The following NEDD4L variants were observed in gnomAD, a reference collection of about 807,000 sequenced individuals.
NEDD4L encodes the protein NEDD4 like E3 ubiquitin protein ligase, also known as E3 ubiquitin-protein ligase NEDD4-like.
Under a neutral mutation model 148.9 loss-of-function variants are expected in NEDD4L, and 54 were observed. The observed-to-expected ratio is 0.36, with a 90% CI of 0.29 to 0.45. The LOEUF is 0.45. NEDD4L is among the 20% of genes least tolerant of loss of function. The pLI, the probability that NEDD4L is intolerant of heterozygous loss-of-function variation, is 1.00. For missense variants in NEDD4L, 856 were observed against 1,233.8 expected (o/e 0.69, Z 4.59); for synonymous variants, 433 against 440.7 (o/e 0.98, Z 0.22).
intron 2 of NEDD4L, among the ~76,000 whole-genome samples, chr18:58,197,191 G>T (rs2040813895): frequency 6.6e-6 from 1 of 152,190 alleles, no homozygotes; most frequent in South Asian, 2.1e-4. Context: ...CCATGATAGA[G>T]CCTGGGCCGT....
intron 2 of NEDD4L, among the ~76,000 whole-genome samples, chr18:58,182,509 CTT>C (rs568506761): frequency 0.023 from 2,601 of 111,342 alleles, 40 homozygotes; most frequent in African/African-American, 0.093. Context: ...GCATTGATAC[CTT>C]TTTTTTTTTT....
intron 1 of NEDD4L, among the ~76,000 whole-genome samples, chr18:58,101,518 A>G (rs2084751248): frequency 6.6e-6 from 1 of 152,134 alleles, no homozygotes; most frequent in Non-Finnish European, 1.5e-5. Context: ...GAGGTTTCCA[A>G]TAAGTATTTC....
At chr18:58,349,366 G>A (rs143160269) in intron 16 of NEDD4L, among the ~76,000 whole-genome samples, 171 bp from the exon 17 acceptor site, 147 of 152,114 alleles carry the variant, frequency 9.7e-4, no homozygotes, top group Admixed American at 3.1e-3. Context: ...AGTCTGTCTC[G>A]AGAGACAGTC....
At chr18:58,351,173 A>G in intron 18 of NEDD4L, 128 bp downstream of exon 18, 1 of 1,510,312 alleles carries the variant, frequency 6.6e-7, no homozygotes, top group Non-Finnish European at 8.9e-7. Context: ...GGAGAAAATG[A>G]TACCAGAGAA....
At chr18:58,341,219 T>C (rs2042380465) in intron 14 of NEDD4L, 50 bp downstream of exon 14, 3 of 1,594,816 alleles carry the variant, frequency 1.9e-6, no homozygotes, top group African/African-American at 1.3e-5. Context: ...GAAGCCGAAA[T>C]GTACATGACC....
At chr18:58,248,519 C>T (rs1213568310) in intron 3 of NEDD4L, among the ~76,000 whole-genome samples, 2 of 152,130 alleles carry the variant, frequency 1.3e-5, no homozygotes, top group Admixed American at 1.3e-4. Context: ...CCACCTGCTT[C>T]GTTACTCTGC....
chr18:58,047,477 C>T (rs766592947), intron 1 of NEDD4L: 35 of 985,268 alleles, frequency 3.6e-5, no homozygotes, highest in African/African-American at 1.6e-4. Context: ...CTGTTCCTTG[C>T]GTCATCAGCA....
chr18:58,062,398 G>T (rs2082372351), intron 1 of NEDD4L, among the ~76,000 whole-genome samples: 1 of 152,086 alleles, frequency 6.6e-6, no homozygotes, highest in South Asian at 2.1e-4. Flanking sequence ...GGCATTTCGG[G>T]GTGGAATCTG....
chr18:58,309,463 GC>G (rs777206837), intron 5 of NEDD4L, among the ~76,000 whole-genome samples: 6 of 152,086 alleles, frequency 3.9e-5, no homozygotes, highest in Non-Finnish European at 7.4e-5. Context: ...GAGCTCCAAA[GC>G]CCCCAGACCC....
At chr18:58,272,671 A>G (rs2051227616) in intron 5 of NEDD4L, among the ~76,000 whole-genome samples, 1 of 152,140 alleles carries the variant, frequency 6.6e-6, no homozygotes. Flanking sequence ...TCCTCCAAAA[A>G]AGAATAAATT....
At chr18:58,156,531 T>C (rs1282408132) in intron 1 of NEDD4L, among the ~76,000 whole-genome samples, 4 of 152,162 alleles carry the variant, frequency 2.6e-5, no homozygotes, top group Non-Finnish European at 5.9e-5. Flanking sequence ...GTGCAGGCCT[T>C]CTAAAATCAC....
intron 2 of NEDD4L, among the ~76,000 whole-genome samples, chr18:58,204,352 T>G (rs2041764864): frequency 6.6e-6 from 1 of 152,140 alleles, no homozygotes; most frequent in African/African-American, 2.4e-5. Flanking sequence ...CTAGCTGACT[T>G]TATCATAGAT....
At position 58,322,432 on chromosome 18, in the gene NEDD4L, A is replaced by T. The variant is rs755584937; in HGVS notation, c.356A>T (p.Asp119Val). ...DVPLSHLPTEDPTMERPYTFK... is the reference protein window; with the variant it reads ...DVPLSHLPTEVPTMERPYTFK... ...ACTGTTTTTTCCCCACAGACAGAAG[A>T]TCCAACCATGGAGCGACCCTATACA... The change falls in exon 7 of 31, where the codon GAT becomes GTT. Residue 119 changes from aspartate (D) to valine (V), a missense_variant. Transcript: ENST00000400345. The T allele has an allele frequency of 6.2e-7, 1 of 1,609,054 alleles. No individual in the cohort carries two copies. Among genetic ancestry groups the T allele is most frequent in the Non-Finnish European group, 8.5e-7 (1 of 1,176,016 alleles).
At chr18:58,126,594 A>G (rs1405402537) in intron 1 of NEDD4L, among the ~76,000 whole-genome samples, 1 of 152,168 alleles carries the variant, frequency 6.6e-6, no homozygotes, top group African/African-American at 2.4e-5. Flanking sequence ...TGCCATGAAC[A>G]CTTGTGTGCA....
intron 2 of NEDD4L, among the ~76,000 whole-genome samples, chr18:58,236,198 T>C (rs1326275308): frequency 6.6e-6 from 1 of 150,802 alleles, no homozygotes; most frequent in Non-Finnish European, 1.5e-5. Flanking sequence ...CTACAAAAAA[T>C]TTTTAAAAAT....
rs17064939 is a variant in NEDD4L, at chr18:58,384,477, G to A, written c.2427-1049G>A. ...CCATTGTCTTCCTTCAGAAAGTACA[G>A]ACTGTGAGTGGGGTTTAAAAAATAT... On this transcript the variant is annotated intron_variant, in intron 25 of 30. Transcript: ENST00000400345. Among the ~76,000 whole-genome samples, 1,217 of 152,308 alleles carry A rather than the reference G, an allele frequency of 8.0e-3. 15 individuals are homozygous for A. The highest frequency in any genetic ancestry group is 0.028 in the African/African-American group (1,153 of 41,564).
At chr18:58,150,061 G>C (rs1049428532) in intron 1 of NEDD4L, among the ~76,000 whole-genome samples, 1 of 152,132 alleles carries the variant, frequency 6.6e-6, no homozygotes, top group Non-Finnish European at 1.5e-5. Context: ...TTAGGTTTTA[G>C]AATATTTTTT....
intron 24 of NEDD4L, among the ~76,000 whole-genome samples, chr18:58,376,052 T>C (rs1229612515): frequency 3.3e-5 from 5 of 152,164 alleles, no homozygotes; most frequent in Non-Finnish European, 7.4e-5. Flanking sequence ...AAAAAAGTCT[T>C]TTCGTAGATT....
chr18:58,362,498 G>A (rs1397992232), intron 19 of NEDD4L, among the ~76,000 whole-genome samples: 2 of 152,202 alleles, frequency 1.3e-5, no homozygotes, highest in African/African-American at 2.4e-5. Flanking sequence ...GAGTCTACCC[G>A]AGAGTGCAGG....
Sources: gnomAD v4.1 joint callset for allele counts (sites outside exome capture counted in the v4.1 genomes callset) on GRCh38, gnomAD v4.1.1 for gene constraint, MANE v1.5 for transcripts, NCBI Gene and HGNC (gene_info 2026-07-23, HGNC 2026-07-21) for gene names.